The following FTO variants were observed in gnomAD, a reference collection of about 807,000 sequenced individuals.
FTO encodes alpha-ketoglutarate-dependent dioxygenase FTO.
A neutral mutation model predicts 63.9 loss-of-function variants in FTO; 47 were observed. That is an observed-to-expected ratio of 0.74 (90% CI 0.58 to 0.94). The LOEUF (loss-of-function observed/expected upper bound fraction) is 0.94, where lower values mean the gene tolerates loss of function less well. Among genes scored for constraint, FTO ranks in the 40% least tolerant of loss-of-function variants. The pLI is 0.00. For missense variants in FTO, 562 were observed against 618.1 expected (o/e 0.91, Z 0.96); for synonymous variants, 207 against 224.4 (o/e 0.92, Z 0.69).
chr16:54,001,919 C>T (rs1178157906), intron 8 of FTO, among the ~76,000 whole-genome samples: 2 of 152,192 alleles, frequency 1.3e-5, no homozygotes, highest in East Asian at 1.9e-4. Context: ...ACCAGCCTCT[C>T]GTTCAAACTG....
intron 1 of FTO, among the ~76,000 whole-genome samples, chr16:53,723,388 T>A (rs2076084343): frequency 6.6e-6 from 1 of 152,202 alleles, no homozygotes; most frequent in African/African-American, 2.4e-5. Context: ...TGGAGGCAAC[T>A]GGTACTCCTT....
chr16:53,947,559 C>G (rs551294517), intron 8 of FTO, among the ~76,000 whole-genome samples: 1 of 152,088 alleles, frequency 6.6e-6, no homozygotes, highest in Admixed American at 6.6e-5. Context: ...CTGGCTTGAA[C>G]GAGCATTTTA....
intron 2 of FTO, among the ~76,000 whole-genome samples, chr16:53,811,752 A>G (rs1431801850): frequency 6.6e-6 from 1 of 151,886 alleles, no homozygotes; most frequent in African/African-American, 2.4e-5. Flanking sequence ...TATGAGTTTC[A>G]TCTTTGGGGC....
At chr16:53,742,746 C>A (rs1187449261) in intron 1 of FTO, among the ~76,000 whole-genome samples, 1 of 152,124 alleles carries the variant, frequency 6.6e-6, no homozygotes, top group Non-Finnish European at 1.5e-5. Context: ...TCATCATAAA[C>A]CTAACTGGGT....
chr16:53,799,510 G>T (rs973748275), intron 1 of FTO, among the ~76,000 whole-genome samples: 1 of 152,132 alleles, frequency 6.6e-6, no homozygotes, highest in Non-Finnish European at 1.5e-5. Context: ...GTGAATGGAT[G>T]AATGAATGAG....
chr16:53,814,838 C>T (rs2078629599), intron 2 of FTO: 2 of 152,230 alleles, frequency 1.3e-5, no homozygotes, highest in South Asian at 4.1e-4. Flanking sequence ...CACTCCCCGA[C>T]TCTGTGCCAG....
chr16:53,907,309 A>G (rs2081564541), intron 7 of FTO, among the ~76,000 whole-genome samples: 1 of 152,330 alleles, frequency 6.6e-6, no homozygotes, highest in Admixed American at 6.5e-5. Flanking sequence ...CATCTAAGAC[A>G]CAGCCTATTT....
chr16:53,739,081 C>T (rs1051357104), intron 1 of FTO, among the ~76,000 whole-genome samples: 40 of 152,332 alleles, frequency 2.6e-4, no homozygotes, highest in African/African-American at 9.6e-4. Context: ...CCAGCCTCGG[C>T]TGCCCAAACT....
chr16:53,970,363 G>T (rs2143719183), intron 8 of FTO, among the ~76,000 whole-genome samples: 1 of 152,170 alleles, frequency 6.6e-6, no homozygotes, highest in East Asian at 1.9e-4. Context: ...GCCAAGGCGG[G>T]TGGATCCCCT....
At chr16:54,087,222 C>T (rs1296106533) in intron 8 of FTO, among the ~76,000 whole-genome samples, 2 of 152,074 alleles carry the variant, frequency 1.3e-5, no homozygotes, top group Non-Finnish European at 2.9e-5. Context: ...TTCCTGAAAG[C>T]GTTTTTGGTT....
In FTO at chr16:53,820,260, C is replaced by T. The variant is rs146888252; in HGVS notation, c.124-5604C>T. Among the ~76,000 whole-genome samples the T allele has an allele frequency of 7.4e-3, 1,119 of 152,068 alleles. 10 individuals carry two copies. The highest frequency in any genetic ancestry group is 0.025 in the African/African-American group (1,050 of 41,486). The stretch of plus-strand genomic sequence containing the variant: ...CTGACATCAGATGATCCAGCTGCCT[C>T]GGCCTCCCAAAGTGCTGGGATTACA... On this transcript the variant is annotated intron_variant, in intron 2 of 8. Transcript: ENST00000471389.
At chr16:54,109,595 G>A (rs1331864387) in intron 8 of FTO, among the ~76,000 whole-genome samples, 1 of 152,184 alleles carries the variant, frequency 6.6e-6, no homozygotes, top group Non-Finnish European at 1.5e-5. Flanking sequence ...GCCTACCAGG[G>A]TGCAAGGGAT....
chr16:53,863,953 A>C (rs1202082224), intron 4 of FTO, among the ~76,000 whole-genome samples: 1 of 152,222 alleles, frequency 6.6e-6, no homozygotes, highest in East Asian at 1.9e-4. Flanking sequence ...TCTAATATAT[A>C]GTGCCAAAAG....
chr16:53,910,618 C>T (rs1200712801), intron 7 of FTO, among the ~76,000 whole-genome samples: 1 of 152,090 alleles, frequency 6.6e-6, no homozygotes, highest in East Asian at 1.9e-4. Context: ...CTCACTGCAA[C>T]CTCCGCCTCC....
At chr16:53,710,522 C>T (rs1395818583) in intron 1 of FTO, among the ~76,000 whole-genome samples, 2 of 152,216 alleles carry the variant, frequency 1.3e-5, no homozygotes, top group East Asian at 3.9e-4. Context: ...CTCGGCCTCC[C>T]AAAGCGTTGG....
At chr16:53,777,507 G>T (rs750451691) in intron 1 of FTO, among the ~76,000 whole-genome samples, 52 of 152,064 alleles carry the variant, frequency 3.4e-4, no homozygotes, top group Non-Finnish European at 2.4e-4. Context: ...AAAATCTGTT[G>T]ATCTCTTTTG....
intron 1 of FTO, among the ~76,000 whole-genome samples, chr16:53,757,174 T>C (rs568270476): frequency 7.7e-4 from 117 of 152,328 alleles, no homozygotes; most frequent in African/African-American, 2.6e-3. Flanking sequence ...CATTGTAGAA[T>C]GGCTAGATCA....
chr16:54,053,702 A>T (rs1171432447), intron 8 of FTO, among the ~76,000 whole-genome samples: 1 of 152,204 alleles, frequency 6.6e-6, no homozygotes, highest in Non-Finnish European at 1.5e-5. Context: ...GAGCTATTTC[A>T]GATCTCTATT....
At chr16:53,914,069 C>A (rs531925258) in intron 7 of FTO, among the ~76,000 whole-genome samples, 1 of 151,896 alleles carries the variant, frequency 6.6e-6, no homozygotes, top group Non-Finnish European at 1.5e-5. Flanking sequence ...TGGAGGACAG[C>A]GTCTTCTCAC....
Sources: gnomAD v4.1 joint callset for allele counts (sites outside exome capture counted in the v4.1 genomes callset) on GRCh38, gnomAD v4.1.1 for gene constraint, MANE v1.5 for transcripts, NCBI Gene and HGNC (gene_info 2026-07-23, HGNC 2026-07-21) for gene names.